ARNT2: variants seen among roughly 807,000 people sequenced by gnomAD.
ARNT2 encodes the protein aryl hydrocarbon receptor nuclear translocator 2.
Under a neutral mutation model 91.7 loss-of-function variants are expected in ARNT2, and 36 were observed. The ratio of observed to expected loss-of-function variants is 0.39; its 90% CI spans 0.30 to 0.52. The LOEUF is 0.52. ARNT2 is among the 20% of genes least tolerant of loss of function. The pLI, the probability that ARNT2 is intolerant of heterozygous loss-of-function variation, is 0.72. For synonymous variants in ARNT2, 365 were observed against 347.1 expected (o/e 1.05, Z -0.57); for missense variants, 775 against 939.3 (o/e 0.83, Z 2.29).
intron 4 of ARNT2, among the ~76,000 whole-genome samples, chr15:80,473,906 C>G (rs74027982): frequency 0.058 from 8,846 of 152,216 alleles, 583 homozygotes; most frequent in African/African-American, 0.16. Flanking sequence ...AGATTACATT[C>G]AAACAAAAGA....
chr15:80,552,752 G>A lies in ARNT2; in HGVS notation c.1067G>A (p.Ser356Asn). The change falls in exon 10 of 19, where the codon AGT becomes AAT. Residue 356 changes from serine to asparagine, a missense_variant. Transcript: ENST00000303329. ...ACATTTGTGGATCCAAGATGTATCAGTGTGATTGGCTACCAACCCCAGGTG... is the reference window on the plus strand; with the variant it reads ...ACATTTGTGGATCCAAGATGTATCAATGTGATTGGCTACCAACCCCAGGTG... Reference protein sequence around the residue: ...IITFVDPRCISVIGYQPQDLL... With the variant: ...IITFVDPRCINVIGYQPQDLL... 1 of 1,614,084 alleles carries A rather than the reference G, an allele frequency of 6.2e-7. No individual in the cohort carries two copies. Among genetic ancestry groups the A allele is most frequent in the Non-Finnish European group, 8.5e-7 (1 of 1,179,980 alleles).
At chr15:80,583,843 G>A (rs1898842709) in intron 17 of ARNT2, among the ~76,000 whole-genome samples, 1 of 152,160 alleles carries the variant, frequency 6.6e-6, no homozygotes, top group African/African-American at 2.4e-5. Context: ...CATTCACAGG[G>A]GACCTCAGAA....
chr15:80,512,080 T>C (rs1339963606), intron 6 of ARNT2, among the ~76,000 whole-genome samples: 1 of 152,192 alleles, frequency 6.6e-6, no homozygotes, highest in Admixed American at 6.5e-5. Context: ...TACTATGAAT[T>C]TCCAAACAAT....
intron 11 of ARNT2, among the ~76,000 whole-genome samples, chr15:80,558,066 C>T (rs529167434): frequency 2.4e-4 from 36 of 152,294 alleles, no homozygotes; most frequent in South Asian, 1.2e-3. Context: ...AACCTCAGGG[C>T]CTTTGCACAT....
At chr15:80,437,079 G>A (rs1234686082) in intron 1 of ARNT2, among the ~76,000 whole-genome samples, 4 of 151,940 alleles carry the variant, frequency 2.6e-5, no homozygotes, top group African/African-American at 9.7e-5. Context: ...CTCCCTTCTC[G>A]ATGGGCTCCA....
At chr15:80,499,659 A>G (rs1380082791) in intron 5 of ARNT2, among the ~76,000 whole-genome samples, 1 of 152,094 alleles carries the variant, frequency 6.6e-6, no homozygotes, top group Non-Finnish European at 1.5e-5. Context: ...CCTATGGAGG[A>G]CTCTGATTGG....
chr15:80,593,111 AC>A (rs1893310107), intron 18 of ARNT2, among the ~76,000 whole-genome samples: 1 of 152,222 alleles, frequency 6.6e-6, no homozygotes, highest in Admixed American at 6.5e-5. Flanking sequence ...GGCCCAGAGG[AC>A]TGGAAAGACA....
At chr15:80,443,929 G>A (rs1201146901) in intron 1 of ARNT2, among the ~76,000 whole-genome samples, 2 of 152,252 alleles carry the variant, frequency 1.3e-5, no homozygotes, top group East Asian at 1.9e-4. Context: ...GAAGGGGAGC[G>A]GATTACTTTT....
At chr15:80,536,358 T>A (rs4778806) in intron 8 of ARNT2, among the ~76,000 whole-genome samples, 76,270 of 151,980 alleles carry the variant, frequency 0.5, 20,548 homozygotes, top group African/African-American at 0.7. Context: ...TTGCCAGGAA[T>A]CTGGCCACCC....
rs1253144495 is a variant in ARNT2, at chr15:80,597,468, G to A, written c.*3770G>A. The A allele has an allele frequency of 3.0e-6, 1 of 329,802 alleles. No individual in the cohort carries two copies. Among genetic ancestry groups the A allele is most frequent in the Non-Finnish European group, 6.0e-6 (1 of 165,336 alleles). 20.4% of individuals were successfully genotyped at this position (329,802 alleles called of 1,614,324 possible). ...ATACTAAGGAGCCATGAGCCACCTG[G>A]ACATTCACCTTTTCTTTGACCATCT... On this transcript the variant is annotated 3_prime_UTR_variant, in exon 19 of 19. Coordinates refer to ENST00000303329, the MANE Select transcript of ARNT2 (RefSeq NM_014862.4).
chr15:80,515,821 A>T (rs1308247208), intron 8 of ARNT2, among the ~76,000 whole-genome samples: 1 of 149,384 alleles, frequency 6.7e-6, no homozygotes, highest in Non-Finnish European at 1.5e-5. Flanking sequence ...TAACTATTTC[A>T]TGTCAGCTTG....
chr15:80,443,932 T>C (rs1265312720), intron 1 of ARNT2, among the ~76,000 whole-genome samples: 1 of 152,220 alleles, frequency 6.6e-6, no homozygotes, highest in African/African-American at 2.4e-5. Flanking sequence ...GGGGAGCGGA[T>C]TACTTTTCCT....
intron 1 of ARNT2, among the ~76,000 whole-genome samples, chr15:80,424,777 C>CAA (rs11403327): frequency 0.093 from 13,699 of 146,990 alleles, 1,105 homozygotes; most frequent in African/African-American, 0.22. Context: ...AAACAGCCCT[C>CAA]AAAAAAAAAA....
At chr15:80,519,516 T>A (rs1464127573) in intron 8 of ARNT2, among the ~76,000 whole-genome samples, 1 of 152,166 alleles carries the variant, frequency 6.6e-6, no homozygotes, top group Non-Finnish European at 1.5e-5. Context: ...TATGCTTTTG[T>A]GTCAGGTGAG....
chr15:80,574,919 C>T, intron 13 of ARNT2, 68 bp from the exon 14 acceptor site: 1 of 1,550,396 alleles, frequency 6.4e-7, no homozygotes, highest in South Asian at 1.2e-5. Context: ...GAGCTGGTGG[C>T]TCCTGGGGAC....
intron 8 of ARNT2, among the ~76,000 whole-genome samples, chr15:80,515,852 G>C (rs886792405): frequency 1.3e-5 from 2 of 148,148 alleles, no homozygotes; most frequent in East Asian, 3.9e-4. Context: ...GTATACTGCT[G>C]TTGTTGGATG....
intron 4 of ARNT2, among the ~76,000 whole-genome samples, chr15:80,473,064 G>A (rs1284148797): frequency 6.6e-6 from 1 of 152,174 alleles, no homozygotes; most frequent in East Asian, 1.9e-4. Flanking sequence ...CCTACTGTGT[G>A]CCAGGCCCTT....
chr15:80,431,268 T>C (rs928828512), intron 1 of ARNT2, among the ~76,000 whole-genome samples: 6 of 152,312 alleles, frequency 3.9e-5, no homozygotes, highest in Admixed American at 1.3e-4. Context: ...CTGGTGCTCT[T>C]CTGTGCAGGG....
intron 5 of ARNT2, among the ~76,000 whole-genome samples, chr15:80,487,098 C>T (rs376686416): frequency 5.3e-5 from 8 of 152,266 alleles, no homozygotes; most frequent in African/African-American, 1.7e-4. Context: ...ATTCAGTCGC[C>T]GTGCAGACCC....
Sources: allele counts gnomAD v4.1 joint callset (sites outside exome capture counted in the v4.1 genomes callset), GRCh38; gene constraint gnomAD v4.1.1; transcripts MANE v1.5; gene names NCBI Gene and HGNC (gene_info 2026-07-23, HGNC 2026-07-21).